BIRC6: variants seen among roughly 807,000 people sequenced by gnomAD.
BIRC6 encodes dual E2 ubiquitin-conjugating enzyme/E3 ubiquitin-protein ligase BIRC6.
BIRC6 carries 98 observed loss-of-function variants against 503.3 expected under a neutral mutation model. That is an observed-to-expected ratio of 0.19 (90% CI 0.17 to 0.23). BIRC6 has a LOEUF of 0.23. BIRC6 is among the 10% of genes least tolerant of loss of function. The pLI, the probability that BIRC6 is intolerant of heterozygous loss-of-function variation, is 1.00. For missense variants in BIRC6, 5,360 were observed against 5,806.0 expected, an observed-to-expected ratio of 0.92 and a Z score of 2.50; for synonymous variants, 2,240 against 2,078.7, an observed-to-expected ratio of 1.08 and a Z score of -2.11.
chr2:32,456,102 G>A (rs1381957940), intron 23 of BIRC6, among the ~76,000 whole-genome samples: 2 of 152,160 alleles, frequency 1.3e-5, no homozygotes, highest in Non-Finnish European at 2.9e-5. Context: ...ACCCCAAAAG[G>A]TGTCTTCGTG....
At chr2:32,384,116 G>A (rs1327017442) in intron 3 of BIRC6, among the ~76,000 whole-genome samples, 2 of 152,176 alleles carry the variant, frequency 1.3e-5, no homozygotes, top group African/African-American at 2.4e-5. Context: ...CCTCCCTTGG[G>A]AGTAAGACCT....
intron 37 of BIRC6, among the ~76,000 whole-genome samples, chr2:32,481,075 T>C (rs2050348967): frequency 6.6e-6 from 1 of 152,218 alleles, no homozygotes; most frequent in African/African-American, 2.4e-5. Context: ...TTATTTTTAA[T>C]AGCAAAGTTT....
At chr2:32,602,919 A>G in intron 70 of BIRC6, 87 bp from the exon 71 acceptor site, 1 of 1,081,798 alleles carries the variant, frequency 9.2e-7, no homozygotes, top group South Asian at 1.5e-5. Flanking sequence ...TTTTGACAGG[A>G]TAGCATTTTG....
chr2:32,408,060 C>T (rs551762958), intron 9 of BIRC6, among the ~76,000 whole-genome samples: 3 of 151,948 alleles, frequency 2.0e-5, no homozygotes, highest in Non-Finnish European at 4.4e-5. Context: ...ATCCGCCTCC[C>T]GAGTTCAAGG....
chr2:32,559,492 C>G (rs2059007416), intron 65 of BIRC6, among the ~76,000 whole-genome samples: 1 of 152,022 alleles, frequency 6.6e-6, no homozygotes, highest in African/African-American at 2.4e-5. Context: ...CTCTTCATGG[C>G]AAAAATAGAA....
intron 68 of BIRC6, among the ~76,000 whole-genome samples, chr2:32,596,736 C>G (rs2061700030): frequency 6.6e-6 from 1 of 152,194 alleles, no homozygotes; most frequent in African/African-American, 2.4e-5. Flanking sequence ...AAAAATATGT[C>G]AGCTAATGGC....
In BIRC6 at chr2:32,503,129, A is replaced by C. The variant is rs765094572; in HGVS notation, c.9392A>C (p.Lys3131Thr). The change falls in exon 49 of 74, where the codon AAA becomes ACA. Residue 3131 changes from lysine (K) to threonine (T), a missense_variant. By Grantham distance (78) the Lys-to-Thr change is moderately conservative. Coordinates refer to ENST00000421745, the MANE Select transcript of BIRC6 (RefSeq NM_016252.4). ...AGAAGTATGGTATCAACTATTATGA[A>C]ATTTCTTGACTCTGGTCCAAATAAA... ...TARSMVSTIM[K>T]FLDSGPNKAV... is the part of the protein sequence containing the mutation. 6.2e-7 allele frequency: 1 copy of C among 1,611,762 alleles called. No individual in the cohort carries two copies. Among genetic ancestry groups the C allele is most frequent in the Non-Finnish European group, 8.5e-7 (1 of 1,178,900 alleles).
chr2:32,603,002 T>C lies in BIRC6; in HGVS notation c.13993-4T>C, dbSNP rs1367321237. On this transcript the variant is annotated splice_region_variant and splice_polypyrimidine_tract_variant and intron_variant, in intron 70 of 73. Transcript: ENST00000421745. Reference sequence around the variant, plus strand: ...ATTCTGTTTATGCTTTTTTCGTTCGTCAGGTTTGTTTAAGCATCTTAAACA... The same window carrying C: ...ATTCTGTTTATGCTTTTTTCGTTCGCCAGGTTTGTTTAAGCATCTTAAACA... 4 of 1,605,114 alleles carry C rather than the reference T, an allele frequency of 2.5e-6. No individual in the cohort carries two copies. Among genetic ancestry groups the C allele is most frequent in the Non-Finnish European group, 3.4e-6 (4 of 1,177,366 alleles).
chr2:32,385,636 A>C (rs746632929), intron 3 of BIRC6, among the ~76,000 whole-genome samples: 1 of 152,168 alleles, frequency 6.6e-6, no homozygotes, highest in Non-Finnish European at 1.5e-5. Context: ...TTACAGCATC[A>C]TTATTTGCTG....
chr2:32,442,775 C>T (rs2045558757), intron 19 of BIRC6, among the ~76,000 whole-genome samples: 1 of 152,102 alleles, frequency 6.6e-6, no homozygotes, highest in Non-Finnish European at 1.5e-5. Context: ...CTTTTCTTGC[C>T]CTAAAGTGTT....
chr2:32,401,373 C>T lies in BIRC6; in HGVS notation c.1245C>T (p.Ser415=). The change falls in exon 7 of 74, where the codon TCC becomes TCT. Residue 415 remains serine (S), a synonymous_variant. Coordinates refer to ENST00000421745, the MANE Select transcript of BIRC6 (RefSeq NM_016252.4). ...GAAAGATCTGCATATGGGATGTTTC[C>T]AAACTTATGAAGGTATGTTTGAATT... ...KRGKICIWDV[S]KLMKVHLKFE... 2.5e-6 allele frequency: 4 copies of T among 1,613,924 alleles called. No homozygotes were observed. The highest frequency in any genetic ancestry group is 2.7e-5 in the African/African-American group (2 of 75,044).
chr2:32,398,275 A>G (rs536870738), intron 6 of BIRC6, among the ~76,000 whole-genome samples: 40 of 152,326 alleles, frequency 2.6e-4, no homozygotes, highest in Admixed American at 9.8e-4. Flanking sequence ...GCAGTTAAAA[A>G]TCGGAATCCT....
At chr2:32,606,603 A>G (rs1471948130) in intron 71 of BIRC6, among the ~76,000 whole-genome samples, 1 of 152,118 alleles carries the variant, frequency 6.6e-6, no homozygotes, top group Non-Finnish European at 1.5e-5. Flanking sequence ...AAAGAAATAA[A>G]TAAGAATTTC....
chr2:32,449,001 A>G, intron 22 of BIRC6, 73 bp downstream of exon 22: 3 of 1,395,986 alleles, frequency 2.1e-6, no homozygotes, highest in South Asian at 2.7e-5. Context: ...GACTTAATAG[A>G]TTATAGTCAT....
Position 32,442,236 on chromosome 2 carries a change from T to G in BIRC6, c.4106+10T>G. On this transcript the variant is annotated intron_variant, in intron 18 of 73. Transcript: ENST00000421745. ...CAAATGGACCCGGAAGGTTAATAAT[T>G]AAAATTTTGCTTACCACTGTTGATT... 6.2e-7 allele frequency: 1 copy of G among 1,601,936 alleles called. No individual in the cohort carries two copies. Among genetic ancestry groups the G allele is most frequent in the Non-Finnish European group, 8.5e-7 (1 of 1,174,242 alleles).
intron 66 of BIRC6, among the ~76,000 whole-genome samples, chr2:32,584,888 G>T (rs753490252): frequency 6.6e-6 from 1 of 151,978 alleles, no homozygotes; most frequent in Non-Finnish European, 1.5e-5. Context: ...AACCATAAAC[G>T]TTTTATTTTT....
chr2:32,483,170 G>A (rs907281241), intron 39 of BIRC6, among the ~76,000 whole-genome samples: 1 of 152,074 alleles, frequency 6.6e-6, no homozygotes, highest in Non-Finnish European at 1.5e-5. Flanking sequence ...GCCTGCCTCG[G>A]CCTCCAAAAG....
intron 66 of BIRC6, among the ~76,000 whole-genome samples, chr2:32,581,428 G>A (rs1221326120): frequency 6.6e-6 from 1 of 152,268 alleles, no homozygotes; most frequent in South Asian, 2.1e-4. Context: ...CATTTGTGAG[G>A]AAGAACTTTT....
At chr2:32,451,383 G>T (rs1459116832) in intron 22 of BIRC6, among the ~76,000 whole-genome samples, 3 of 152,058 alleles carry the variant, frequency 2.0e-5, no homozygotes, top group African/African-American at 7.3e-5. Flanking sequence ...GGATCTATAT[G>T]GTCATAACTA....
Sources: allele counts gnomAD v4.1 joint callset (sites outside exome capture counted in the v4.1 genomes callset), GRCh38; gene constraint gnomAD v4.1.1; transcripts MANE v1.5; gene names NCBI Gene and HGNC (gene_info 2026-07-23, HGNC 2026-07-21).